Variants in RBMS2 observed in about 807,000 individuals in gnomAD.
RBMS2 encodes RNA binding motif single stranded interacting protein 2, also known as RNA-binding motif, single-stranded-interacting protein 2.
A neutral mutation model predicts 58.4 loss-of-function variants in RBMS2; 38 were observed. The observed-to-expected ratio is 0.65, with a 90% CI of 0.50 to 0.85. The LOEUF is 0.85. Among genes scored for constraint, RBMS2 ranks in the 40% least tolerant of loss-of-function variants. The pLI is 0.00. For synonymous variants in RBMS2, 151 were observed against 180.7 expected (o/e 0.84, Z 1.32); for missense variants, 367 against 503.7 (o/e 0.73, Z 2.60).
intron 1 of RBMS2, among the ~76,000 whole-genome samples, chr12:56,548,915 A>G (rs1877736597): frequency 6.6e-6 from 1 of 152,158 alleles, no homozygotes; most frequent in Non-Finnish European, 1.5e-5. Context: ...TTGATGGCAA[A>G]TGAATGGATA....
chr12:56,574,133 G>A (rs1186919068), intron 5 of RBMS2, among the ~76,000 whole-genome samples: 6 of 152,016 alleles, frequency 3.9e-5, no homozygotes, highest in Non-Finnish European at 8.8e-5. Flanking sequence ...GAGCCACTGC[G>A]CCCAGCCAGT....
At chr12:56,533,684 G>A (rs980213138) in intron 1 of RBMS2, among the ~76,000 whole-genome samples, 1 of 151,916 alleles carries the variant, frequency 6.6e-6, no homozygotes, top group Non-Finnish European at 1.5e-5. Context: ...CCAAAGTGCT[G>A]GGATTACAAG....
In RBMS2 at chr12:56,595,797, C is replaced by A. The variant is rs2136656348; in HGVS notation, c.*6664C>A. ...CAGGAGCACTAATGACCCTTTCCAT[C>A]CACACAGAGGGTATGGAACAGGAGC... On this transcript the variant is annotated 3_prime_UTR_variant, in exon 14 of 14. Transcript: ENST00000262031. The A allele has an allele frequency of 6.5e-6, 1 of 152,732 alleles. No homozygotes were observed. Among genetic ancestry groups the A allele is most frequent in the East Asian group, 1.9e-4 (1 of 5,172 alleles). 9.5% of individuals were successfully genotyped at this position (152,732 alleles called of 1,614,324 possible).
intron 1 of RBMS2, among the ~76,000 whole-genome samples, chr12:56,544,145 G>A (rs368581052): frequency 1.1e-4 from 16 of 151,958 alleles, no homozygotes; most frequent in African/African-American, 2.9e-4. Flanking sequence ...GCGTGGTGTC[G>A]CATGCCTGTA....
chr12:56,581,168 C>T lies in RBMS2; in HGVS notation c.543-16C>T. The T allele has an allele frequency of 6.4e-7, 1 of 1,570,780 alleles. No individual in the cohort carries two copies. Among genetic ancestry groups the T allele is most frequent in the Non-Finnish European group, 8.8e-7 (1 of 1,141,510 alleles). On this transcript the variant is annotated splice_polypyrimidine_tract_variant and intron_variant, in intron 5 of 13. Transcript: ENST00000262031. The stretch of plus-strand genomic sequence containing the variant: ...TCCTGGAGAAGCTAGAGCCTAACCC[C>T]TCTTATGCTCCTTAGGATGGAGTCC...
chr12:56,574,092 C>T (rs1360366394), intron 5 of RBMS2, among the ~76,000 whole-genome samples: 2 of 152,208 alleles, frequency 1.3e-5, no homozygotes, highest in Non-Finnish European at 2.9e-5. Flanking sequence ...CCAGCCGCCT[C>T]AGCCTCCCAA....
intron 1 of RBMS2, among the ~76,000 whole-genome samples, chr12:56,536,558 T>C (rs1309095568): frequency 6.6e-6 from 1 of 151,318 alleles, no homozygotes; most frequent in Non-Finnish European, 1.5e-5. Flanking sequence ...TCTCTCCTTC[T>C]TTCTTTTTTT....
At chr12:56,544,898 T>C (rs748404258) in intron 1 of RBMS2, among the ~76,000 whole-genome samples, 10 of 151,814 alleles carry the variant, frequency 6.6e-5, no homozygotes, top group Admixed American at 1.3e-4. Context: ...CTGGCCCTCA[T>C]CACATTTTTT....
At chr12:56,548,461 C>T (rs1877663675) in intron 1 of RBMS2, among the ~76,000 whole-genome samples, 1 of 152,070 alleles carries the variant, frequency 6.6e-6, no homozygotes, top group Admixed American at 6.6e-5. Flanking sequence ...AACAAACAAA[C>T]AAACAAATAT....
intron 2 of RBMS2, among the ~76,000 whole-genome samples, chr12:56,568,100 T>C (rs1881677598): frequency 1.3e-5 from 2 of 152,236 alleles, no homozygotes; most frequent in South Asian, 4.1e-4. Context: ...GTTCAATGAC[T>C]TGTTCAAGAT....
chr12:56,545,415 A>G (rs780722138), intron 1 of RBMS2, among the ~76,000 whole-genome samples: 3 of 152,206 alleles, frequency 2.0e-5, no homozygotes, highest in Non-Finnish European at 2.9e-5. Context: ...TTGAGATATA[A>G]TTCACACATC....
chr12:56,554,325 T>C (rs772854366), intron 1 of RBMS2, among the ~76,000 whole-genome samples: 2 of 152,056 alleles, frequency 1.3e-5, no homozygotes, highest in Non-Finnish European at 2.9e-5. Flanking sequence ...AGAAAAGACA[T>C]GGAATCAACC....
chr12:56,541,642 G>A (rs1592356998), intron 1 of RBMS2, among the ~76,000 whole-genome samples: 3 of 152,160 alleles, frequency 2.0e-5, no homozygotes, highest in Admixed American at 6.5e-5. Flanking sequence ...TTCTAATACT[G>A]AATCCAGAAT....
intron 1 of RBMS2, among the ~76,000 whole-genome samples, chr12:56,523,528 C>T (rs542301066): frequency 8.3e-4 from 126 of 152,172 alleles, no homozygotes; most frequent in South Asian, 1.2e-3. Flanking sequence ...GCCTGTAATC[C>T]CAGCACTTGG....
intron 6 of RBMS2, 38 bp downstream of exon 6, chr12:56,581,301 T>C (rs1883907622): frequency 1.3e-6 from 2 of 1,583,630 alleles, no homozygotes; most frequent in Non-Finnish European, 8.7e-7. Context: ...GGGCCACAGG[T>C]TGTTACTTCC....
chr12:56,583,496 A>C (rs1304416657), intron 9 of RBMS2, among the ~76,000 whole-genome samples: 1 of 152,122 alleles, frequency 6.6e-6, no homozygotes, highest in Non-Finnish European at 1.5e-5. Context: ...TTTACTAAAA[A>C]CACAGAAATT....
At chr12:56,571,568 A>C in intron 4 of RBMS2, 130 bp from the exon 5 acceptor site, 1 of 1,038,512 alleles carries the variant, frequency 9.6e-7, no homozygotes, top group Non-Finnish European at 1.3e-6. Flanking sequence ...GGTGTTAACA[A>C]ATAGAATAAT....
intron 9 of RBMS2, among the ~76,000 whole-genome samples, chr12:56,582,638 A>G (rs1184648235): frequency 6.6e-6 from 1 of 152,166 alleles, no homozygotes; most frequent in East Asian, 1.9e-4. Context: ...ACAAACTCTG[A>G]GGATGGGGCC....
In RBMS2 at chr12:56,521,844, A is replaced by T; in HGVS notation, c.-180A>T. The T allele has an allele frequency of 4.7e-6, 2 of 429,274 alleles. No individual in the cohort carries two copies. The highest frequency in any genetic ancestry group is 8.3e-6 in the Non-Finnish European group (2 of 239,572). The allele number at this position is 429,274 out of a possible 1,614,324, so 26.6% of individuals were successfully genotyped here. ...CAGCCCGAGCTCATTCTCTGCCCGC[A>T]GCCCCCCTTCATCTCTCTCCTCCTG... is the stretch of plus-strand genomic sequence containing the variant. On this transcript the variant is annotated 5_prime_UTR_variant, in exon 1 of 14. Coordinates refer to ENST00000262031, the MANE Select transcript of RBMS2 (RefSeq NM_002898.4).
Sources: allele counts gnomAD v4.1 joint callset (sites outside exome capture counted in the v4.1 genomes callset), GRCh38; gene constraint gnomAD v4.1.1; transcripts MANE v1.5; gene names NCBI Gene and HGNC (gene_info 2026-07-23, HGNC 2026-07-21).